The following RAPGEF1 variants were observed in gnomAD, a reference collection of about 807,000 sequenced individuals.
RAPGEF1 encodes Rap guanine nucleotide exchange factor 1.
A neutral mutation model predicts 143.3 loss-of-function variants in RAPGEF1; 33 were observed. The ratio of observed to expected loss-of-function variants is 0.23; its 90% CI spans 0.17 to 0.31. RAPGEF1 has a LOEUF of 0.31. Among genes scored for constraint, RAPGEF1 ranks in the 10% least tolerant of loss-of-function variants. RAPGEF1 has a pLI of 1.00. For missense variants in RAPGEF1, 1,199 were observed against 1,645.4 expected (o/e 0.73, Z 4.69); for synonymous variants, 629 against 676.5 (o/e 0.93, Z 1.09).
At chr9:131,613,822 A>G (rs2132679141) in intron 12 of RAPGEF1, among the ~76,000 whole-genome samples, 1 of 152,272 alleles carries the variant, frequency 6.6e-6, no homozygotes, top group South Asian at 2.1e-4. Flanking sequence ...TCTGCCCCTA[A>G]GGGTATGGAC....
Position 131,628,491 on chromosome 9 carries a change from TCCCTGAGC to T in RAPGEF1, c.1017+50_1017+57del. The T allele has an allele frequency of 1.3e-6, 2 of 1,592,798 alleles. No individual in the cohort carries two copies. Among genetic ancestry groups the T allele is most frequent in the Non-Finnish European group, 1.7e-6 (2 of 1,166,740 alleles). Reference sequence around the variant, plus strand: ...GTTTCTTTCAGCTTCAGGAGCCACATCCCTGAGCCCCCCACCCCCTCCCTGCCTTCCCA... The same window carrying T: ...GTTTCTTTCAGCTTCAGGAGCCACATCCCCCACCCCCTCCCTGCCTTCCCA... On this transcript the variant is annotated intron_variant, in intron 8 of 26. Coordinates refer to ENST00000683357, the MANE Select transcript of RAPGEF1 (RefSeq NM_001377935.1). The surrounding 1 kb of genome is among the most constrained non-coding windows in gnomAD (Gnocchi z 5.7).
At chr9:131,654,747 C>A (rs762055825) in intron 1 of RAPGEF1, among the ~76,000 whole-genome samples, 1 of 152,172 alleles carries the variant, frequency 6.6e-6, no homozygotes, top group Non-Finnish European at 1.5e-5. Context: ...CTTGTTCATG[C>A]CTGTTTTCCC....
intron 9 of RAPGEF1, 63 bp downstream of exon 9, chr9:131,627,850 G>A: frequency 6.6e-7 from 1 of 1,512,600 alleles, no homozygotes; most frequent in African/African-American, 1.4e-5. Flanking sequence ...TCCCACCCAG[G>A]ACTGTAATGG....
intron 1 of RAPGEF1, among the ~76,000 whole-genome samples, chr9:131,727,300 T>G (rs570767464): frequency 5.3e-5 from 8 of 152,292 alleles, no homozygotes; most frequent in African/African-American, 1.9e-4. Flanking sequence ...CATATAGTAG[T>G]GGGAATTTAC....
At chr9:131,674,367 C>T (rs1394288442) in intron 1 of RAPGEF1, among the ~76,000 whole-genome samples, 3 of 152,140 alleles carry the variant, frequency 2.0e-5, no homozygotes, top group East Asian at 3.8e-4. Context: ...CTGAAATAGG[C>T]GCCCTGCAGA....
intron 1 of RAPGEF1, chr9:131,737,287 T>C: frequency 1.3e-6 from 2 of 1,533,774 alleles, no homozygotes; most frequent in Non-Finnish European, 1.8e-6. Flanking sequence ...TTCCCCTCTC[T>C]CCTCTTTCTC....
In RAPGEF1 at chr9:131,604,969, T is replaced by C; in HGVS notation, c.2281A>G (p.Thr761Ala). ...GAGGTTTCGGAAGGAAGGCAGACAG[T>C]ATTCCCATGAAAGCTGCTCTCCTGA... ...ASQESSFHGN[T>A]VCLPSETSFT... The change falls in exon 13 of 27, where the codon ACT becomes GCT. Residue 761 changes from threonine to alanine, a missense_variant. This residue lies in a region of RAPGEF1 where 293 missense variants were observed against 356.2 expected (regional missense o/e 0.82). Transcript: ENST00000683357. 1.5e-6 allele frequency: 2 copies of C among 1,321,240 alleles called. No homozygotes were observed. Among genetic ancestry groups the C allele is most frequent in the Non-Finnish European group, 2.0e-6 (2 of 998,778 alleles). 81.8% of individuals were successfully genotyped at this position (1,321,240 alleles called of 1,614,324 possible). A position where few individuals can be genotyped will look rare whatever the true frequency, so the allele number is the denominator to read the frequency against.
chr9:131,658,858 G>A (rs1023167995), intron 1 of RAPGEF1, among the ~76,000 whole-genome samples: 2 of 152,246 alleles, frequency 1.3e-5, no homozygotes, highest in Non-Finnish European at 2.9e-5. Context: ...GCTGACAAAT[G>A]TGGCTATCAA....
chr9:131,708,745 T>TTTC (rs33942559), intron 1 of RAPGEF1, among the ~76,000 whole-genome samples: 51 of 47,100 alleles, frequency 1.1e-3, no homozygotes, highest in African/African-American at 4.5e-3. Flanking sequence ...TTCTTTCTTT[T>TTTC]TTTTTTGAGA....
intron 1 of RAPGEF1, among the ~76,000 whole-genome samples, chr9:131,664,763 A>C (rs558520183): frequency 6.6e-6 from 1 of 152,304 alleles, no homozygotes; most frequent in African/African-American, 2.4e-5. Context: ...AAGATATTCT[A>C]ATTCTTTTTT....
intron 1 of RAPGEF1, among the ~76,000 whole-genome samples, chr9:131,663,530 C>A (rs546772691): frequency 6.7e-6 from 1 of 150,134 alleles, no homozygotes; most frequent in Admixed American, 6.7e-5. Flanking sequence ...TCTCCAATTT[C>A]CCTTATCTAG....
intron 16 of RAPGEF1, 36 bp downstream of exon 16, chr9:131,598,163 G>T (rs2132396001): frequency 6.4e-7 from 1 of 1,560,676 alleles, no homozygotes; most frequent in Non-Finnish European, 8.8e-7. Context: ...CCTCTGTGGG[G>T]CCAGGCTGCA....
intron 1 of RAPGEF1, among the ~76,000 whole-genome samples, chr9:131,652,646 C>G (rs903061727): frequency 1.3e-5 from 2 of 152,150 alleles, no homozygotes; most frequent in African/African-American, 4.8e-5. Context: ...CATCTTGTCC[C>G]ACTGGAAGGT....
chr9:131,669,874 GC>G (rs1193635873), intron 1 of RAPGEF1, among the ~76,000 whole-genome samples: 1 of 152,068 alleles, frequency 6.6e-6, no homozygotes, highest in Non-Finnish European at 1.5e-5. Flanking sequence ...AAATGTATTG[GC>G]CCCCACTATG....
At chr9:131,718,460 G>A (rs896200494) in intron 1 of RAPGEF1, among the ~76,000 whole-genome samples, 2 of 152,314 alleles carry the variant, frequency 1.3e-5, no homozygotes, top group African/African-American at 2.4e-5. Flanking sequence ...CCAAGAAGCC[G>A]GTTAGGAAGG....
At chr9:131,735,783 T>C (rs867167730) in intron 1 of RAPGEF1, among the ~76,000 whole-genome samples, 46 of 152,198 alleles carry the variant, frequency 3.0e-4, no homozygotes, top group Non-Finnish European at 1.6e-4. Context: ...ATAGCTGCCT[T>C]GTAGGCAGGA....
At chr9:131,685,265 T>G (rs776894270) in intron 1 of RAPGEF1, among the ~76,000 whole-genome samples, 3 of 152,184 alleles carry the variant, frequency 2.0e-5, no homozygotes, top group African/African-American at 4.8e-5. Flanking sequence ...AAGCTGCCCT[T>G]GCTTTTATGG....
Position 131,679,063 on chromosome 9 carries a change from TG to T in RAPGEF1, c.62-28115del, listed in dbSNP as rs1415181472. On this transcript the variant is annotated intron_variant, in intron 1 of 26. Transcript: ENST00000683357. ...GCAAAGGCTAAGAGGCAGCAGTGAC[TG>T]GGGGTGGGGGGAAATGATGAGGAGA... Among the ~76,000 whole-genome samples the T allele has an allele frequency of 3.3e-5, 5 of 149,534 alleles. No individual in the cohort carries two copies. In the South Asian group the frequency reaches 8.5e-4, roughly 25 times the overall value.
chr9:131,659,400 G>T (rs1009135590), intron 1 of RAPGEF1, among the ~76,000 whole-genome samples: 1 of 151,984 alleles, frequency 6.6e-6, no homozygotes, highest in East Asian at 1.9e-4. Context: ...TGTATTTTTG[G>T]TAGAGACAGG....
Sources: allele counts gnomAD v4.1 joint callset (sites outside exome capture counted in the v4.1 genomes callset), GRCh38; gene constraint gnomAD v4.1.1; regional missense constraint gnomAD v4.1.1; non-coding constraint Gnocchi (gnomAD v3.1); transcripts MANE v1.5; gene names NCBI Gene and HGNC (gene_info 2026-07-23, HGNC 2026-07-21).